The following C12orf42 variants were observed in gnomAD, a reference collection of about 807,000 sequenced individuals.
The protein encoded by C12orf42 is chromosome 12 open reading frame 42.
Under a neutral mutation model 21.6 loss-of-function variants are expected in C12orf42, and 25 were observed. That is an observed-to-expected ratio of 1.16 (90% CI 0.84 to 1.62). The LOEUF is 1.62. Ranked by LOEUF, C12orf42 falls within the 40% of genes most tolerant of loss-of-function variation. C12orf42 has a pLI of 0.00. For synonymous variants in C12orf42, 174 were observed against 175.0 expected (o/e 0.99, Z 0.05); for missense variants, 483 against 459.3 (o/e 1.05, Z -0.47).
intron 4 of C12orf42, 146 bp from the exon 5 acceptor site, chr12:103,306,491 G>C: frequency 1.1e-6 from 1 of 947,618 alleles, no homozygotes; most frequent in Non-Finnish European, 1.5e-6. Flanking sequence ...GACTAGGGTA[G>C]CTGAGTAGGA....
chr12:103,228,198 A>G, the C12orf42 span, among the ~76,000 whole-genome samples: 1 of 152,136 alleles, frequency 6.6e-6, no homozygotes, highest in Admixed American at 6.5e-5. Flanking sequence ...CTGAGTCCAA[A>G]AGAGAGTCAG....
the C12orf42 span, among the ~76,000 whole-genome samples, chr12:103,158,687 C>T: frequency 9.2e-5 from 14 of 151,858 alleles, 1 homozygote; most frequent in East Asian, 1.4e-3. Context: ...GAGACCAGCC[C>T]GGCCAACATG....
chr12:103,392,719 T>C (rs1478636949), intron 3 of C12orf42, among the ~76,000 whole-genome samples: 1 of 152,250 alleles, frequency 6.6e-6, no homozygotes, highest in Non-Finnish European at 1.5e-5. Flanking sequence ...CTAACTCACT[T>C]AATCTTGAAA....
At chr12:103,492,722 G>C (rs1955261067) in intron 1 of C12orf42, among the ~76,000 whole-genome samples, 1 of 152,110 alleles carries the variant, frequency 6.6e-6, no homozygotes, top group South Asian at 2.1e-4. Flanking sequence ...AGAAGCTTAG[G>C]AAAGGATGAG....
At chr12:103,061,154 T>G in the C12orf42 span, among the ~76,000 whole-genome samples, 10 of 152,168 alleles carry the variant, frequency 6.6e-5, no homozygotes, top group African/African-American at 2.4e-4. Context: ...ACCTTTTTGG[T>G]TGGTGGAGGT....
chr12:103,476,734 G>A (rs149070645), intron 2 of C12orf42, among the ~76,000 whole-genome samples: 2 of 152,288 alleles, frequency 1.3e-5, no homozygotes, highest in East Asian at 3.9e-4. Context: ...CACATAGCAA[G>A]TTGTCCATAA....
At chr12:103,392,424 T>C in intron 3 of C12orf42, among the ~76,000 whole-genome samples, 1 of 152,232 alleles carries the variant, frequency 6.6e-6, no homozygotes, top group East Asian at 1.9e-4. Flanking sequence ...CTTTGGGTAG[T>C]ACTATCATAT....
the C12orf42 span, among the ~76,000 whole-genome samples, chr12:103,114,414 C>T: frequency 2.6e-5 from 4 of 152,106 alleles, no homozygotes; most frequent in East Asian, 1.9e-4. Context: ...GGAGCAGTAA[C>T]GGCATCAATA....
chr12:103,543,896 G>GT, the C12orf42 span, among the ~76,000 whole-genome samples: 17 of 113,906 alleles, frequency 1.5e-4, no homozygotes, highest in Middle Eastern at 4.2e-3. Context: ...TTTTTGTTTT[G>GT]TTTTTTGTTT....
chr12:103,150,584 G>C, the C12orf42 span, among the ~76,000 whole-genome samples: 1 of 152,192 alleles, frequency 6.6e-6, no homozygotes, highest in South Asian at 2.1e-4. Context: ...AACTGAGGCA[G>C]AGTGAAGCAG....
intron 4 of C12orf42, among the ~76,000 whole-genome samples, chr12:103,358,251 C>A (rs1336581522): frequency 2.0e-5 from 3 of 152,092 alleles, no homozygotes; most frequent in Non-Finnish European, 2.9e-5. Context: ...GAAATAAACT[C>A]CACCTCTTAA....
chr12:103,294,463 A>AAAGAAAGAAAGAAAGAAAGAAAG (rs1555245954), intron 4 of C12orf42, among the ~76,000 whole-genome samples: 4 of 134,134 alleles, frequency 3.0e-5, no homozygotes, highest in African/African-American at 1.2e-4. Context: ...AGAAAGAAAG[A>AAAGAAAGAAAGAAAGAAAGAAAG]AAGAAAGAAA....
chr12:103,426,047 G>A (rs551412631), intron 2 of C12orf42, among the ~76,000 whole-genome samples: 9 of 152,150 alleles, frequency 5.9e-5, no homozygotes, highest in African/African-American at 1.4e-4. Flanking sequence ...AAACCAGAAC[G>A]CCTCTTCTCC....
chr12:103,064,569 C>T, the C12orf42 span, among the ~76,000 whole-genome samples: 2 of 152,180 alleles, frequency 1.3e-5, no homozygotes, highest in African/African-American at 4.8e-5. Context: ...AAATCATGGC[C>T]CCTCAATCAA....
the C12orf42 span, among the ~76,000 whole-genome samples, chr12:103,171,060 C>A: frequency 2.0e-5 from 3 of 151,948 alleles, no homozygotes; most frequent in African/African-American, 7.3e-5. Context: ...TAGGATATAC[C>A]AAGTCCCTTC....
At chr12:103,348,097 G>A (rs1229629271) in intron 4 of C12orf42, among the ~76,000 whole-genome samples, 1 of 152,072 alleles carries the variant, frequency 6.6e-6, no homozygotes, top group East Asian at 1.9e-4. Context: ...AAAAATCACA[G>A]CCACTCCTAT....
chr12:103,218,898 C>A, the C12orf42 span, among the ~76,000 whole-genome samples: 1 of 152,216 alleles, frequency 6.6e-6, no homozygotes, highest in African/African-American at 2.4e-5. Flanking sequence ...TTACCACAAC[C>A]CTGTTATGCA....
At chr12:103,075,781 G>T in the C12orf42 span, among the ~76,000 whole-genome samples, 1 of 152,166 alleles carries the variant, frequency 6.6e-6, no homozygotes, top group South Asian at 2.1e-4. Flanking sequence ...TCTGACCAGG[G>T]TAGTGTTTAT....
the C12orf42 span, among the ~76,000 whole-genome samples, chr12:103,544,492 T>C: frequency 6.6e-6 from 1 of 152,218 alleles, no homozygotes; most frequent in Non-Finnish European, 1.5e-5. Context: ...GTGTATTTCT[T>C]TTCCTTCACC....
Sources: gnomAD v4.1 joint callset for allele counts (sites outside exome capture counted in the v4.1 genomes callset) on GRCh38, gnomAD v4.1.1 for gene constraint, MANE v1.5 for transcripts, NCBI Gene and HGNC (gene_info 2026-07-23, HGNC 2026-07-21) for gene names.